The following CDH12 variants were observed in gnomAD, a reference collection of about 807,000 sequenced individuals.
CDH12 encodes cadherin-12.
CDH12 carries 41 observed loss-of-function variants against 74.1 expected under a neutral mutation model. The ratio of observed to expected loss-of-function variants is 0.55; its 90% CI spans 0.43 to 0.72. CDH12 has a LOEUF of 0.72. CDH12 is among the 30% of genes least tolerant of loss of function. The pLI, the probability that CDH12 is intolerant of heterozygous loss-of-function variation, is 0.00. For synonymous variants in CDH12, 399 were observed against 355.0 expected, an observed-to-expected ratio of 1.12 and a Z score of -1.39; for missense variants, 945 against 977.2, an observed-to-expected ratio of 0.97 and a Z score of 0.44.
At chr5:22,032,729 A>G (rs938393392) in intron 5 of CDH12, among the ~76,000 whole-genome samples, 1 of 146,444 alleles carries the variant, frequency 6.8e-6, no homozygotes, top group Non-Finnish European at 1.5e-5. Context: ...ATGTATATAC[A>G]TATTTTTGTA....
At chr5:22,503,002 CT>C (rs1736235571) in intron 2 of CDH12, among the ~76,000 whole-genome samples, 1 of 151,920 alleles carries the variant, frequency 6.6e-6, no homozygotes, top group South Asian at 2.1e-4. Context: ...TTCAAATGTC[CT>C]TTGGCTGCAT....
At chr5:22,143,335 G>A (rs1746929798) in intron 4 of CDH12, 1 of 147,400 alleles carries the variant, frequency 6.8e-6, no homozygotes, top group Non-Finnish European at 1.5e-5. Flanking sequence ...TATCGTATTT[G>A]GAGTGGAACT....
chr5:22,369,549 A>C (rs1432131125), intron 3 of CDH12, among the ~76,000 whole-genome samples: 1 of 152,206 alleles, frequency 6.6e-6, no homozygotes, highest in Non-Finnish European at 1.5e-5. Flanking sequence ...CATTTTAAAG[A>C]AGCAGCTTTA....
chr5:22,590,208 A>G (rs1162035264), intron 1 of CDH12, among the ~76,000 whole-genome samples: 1 of 152,204 alleles, frequency 6.6e-6, no homozygotes, highest in East Asian at 1.9e-4. Flanking sequence ...AGGTAGCAGA[A>G]TAGGCCATCT....
At chr5:22,648,902 T>C (rs969939635) in intron 1 of CDH12, among the ~76,000 whole-genome samples, 3 of 151,956 alleles carry the variant, frequency 2.0e-5, no homozygotes, top group Non-Finnish European at 4.4e-5. Context: ...CTTAACAAAA[T>C]ATCTACTGTG....
chr5:22,216,428 T>C (rs573470634), intron 3 of CDH12, among the ~76,000 whole-genome samples: 199 of 152,084 alleles, frequency 1.3e-3, no homozygotes, highest in African/African-American at 4.6e-3. Context: ...TGCTTCTGTA[T>C]ACCAATGTAG....
At chr5:22,518,048 G>T (rs1561462602) in intron 1 of CDH12, among the ~76,000 whole-genome samples, 1 of 152,148 alleles carries the variant, frequency 6.6e-6, no homozygotes, top group African/African-American at 2.4e-5. Context: ...GAGTGTACAA[G>T]GATAAGACAG....
intron 1 of CDH12, among the ~76,000 whole-genome samples, chr5:22,771,490 A>G (rs1421104562): frequency 6.6e-6 from 1 of 152,044 alleles, no homozygotes; most frequent in Non-Finnish European, 1.5e-5. Flanking sequence ...GAGAAAACTG[A>G]TAAAGGATGG....
chr5:22,461,387 ATAAT>A (rs1745511370), intron 2 of CDH12, among the ~76,000 whole-genome samples: 1 of 151,850 alleles, frequency 6.6e-6, no homozygotes, highest in African/African-American at 2.4e-5. Context: ...TGAGTAGAGA[ATAAT>A]CATTTTACTA....
intron 1 of CDH12, among the ~76,000 whole-genome samples, chr5:22,701,294 T>C (rs936948687): frequency 1.3e-5 from 2 of 152,174 alleles, no homozygotes; most frequent in African/African-American, 4.8e-5. Flanking sequence ...TTATAATCAA[T>C]GAATAGCTCT....
chr5:21,989,014 G>A (rs1206639431), intron 5 of CDH12, among the ~76,000 whole-genome samples: 4 of 151,990 alleles, frequency 2.6e-5, no homozygotes, highest in African/African-American at 9.7e-5. Flanking sequence ...TAAAGTTCAT[G>A]GATTGGACGT....
intron 1 of CDH12, among the ~76,000 whole-genome samples, chr5:22,584,594 T>C (rs914998238): frequency 2.0e-5 from 3 of 152,218 alleles, no homozygotes; most frequent in Non-Finnish European, 4.4e-5. Context: ...TCTGTGCATA[T>C]GTGCATTGAA....
intron 10 of CDH12, among the ~76,000 whole-genome samples, chr5:21,791,823 T>TA (rs1261971097): frequency 6.6e-6 from 1 of 151,910 alleles, no homozygotes; most frequent in African/African-American, 2.4e-5. Context: ...ATTTTTATTC[T>TA]ATTTATTAGG....
At chr5:22,255,427 A>T (rs1244542509) in intron 3 of CDH12, among the ~76,000 whole-genome samples, 1 of 151,834 alleles carries the variant, frequency 6.6e-6, no homozygotes, top group Non-Finnish European at 1.5e-5. Context: ...AAAAACATTC[A>T]TATTAAAAAT....
rs77144053 is a variant in CDH12, at chr5:22,108,244, G to A, written c.-186-29382C>T. Among the ~76,000 whole-genome samples, 542 of 152,196 alleles carry A rather than the reference G, an allele frequency of 3.6e-3. 1 individual carries two copies. Among genetic ancestry groups the A allele is most frequent in the East Asian group, 0.011 (58 of 5,160 alleles). On this transcript the variant is annotated intron_variant, in intron 4 of 14. Transcript: ENST00000382254. ...AGTTCCCCTGCACAAGCCTTCTTGC[G>A]GGCTGCCATGTAAGATGTCCCTTTG...
intron 6 of CDH12, among the ~76,000 whole-genome samples, chr5:21,965,787 T>C (rs181293686): frequency 1.3e-3 from 198 of 152,274 alleles, no homozygotes; most frequent in African/African-American, 4.5e-3. Context: ...AGCATACTTA[T>C]ATCACAATGA....
At chr5:22,516,957 A>G (rs1191404076) in intron 1 of CDH12, among the ~76,000 whole-genome samples, 3 of 152,182 alleles carry the variant, frequency 2.0e-5, no homozygotes, top group Non-Finnish European at 4.4e-5. Flanking sequence ...TTAGATGCGA[A>G]AAACAATGCA....
intron 1 of CDH12, among the ~76,000 whole-genome samples, chr5:22,751,634 T>A (rs1035527125): frequency 5.9e-5 from 9 of 152,094 alleles, no homozygotes; most frequent in African/African-American, 1.9e-4. Flanking sequence ...GAGGTGTTTG[T>A]AAAAAGTTCC....
chr5:22,428,287 TTATC>T (rs1744028154), intron 2 of CDH12, among the ~76,000 whole-genome samples: 1 of 152,120 alleles, frequency 6.6e-6, no homozygotes, highest in Non-Finnish European at 1.5e-5. Flanking sequence ...ATATCCATTT[TTATC>T]TATAGCGGAA....
Sources: allele counts gnomAD v4.1 joint callset (sites outside exome capture counted in the v4.1 genomes callset), GRCh38; gene constraint gnomAD v4.1.1; transcripts MANE v1.5; gene names NCBI Gene and HGNC (gene_info 2026-07-23, HGNC 2026-07-21).